SREBF1: variants seen among roughly 807,000 people sequenced by gnomAD.
SREBF1 encodes sterol regulatory element binding transcription factor 1, also known as sterol regulatory element-binding protein 1.
SREBF1 carries 45 observed loss-of-function variants against 100.1 expected under a neutral mutation model. The ratio of observed to expected loss-of-function variants is 0.45; its 90% CI spans 0.35 to 0.58. The LOEUF (loss-of-function observed/expected upper bound fraction) is 0.58. SREBF1 is among the 20% of genes least tolerant of loss of function. The probability of loss-of-function intolerance (pLI) is 0.00; values close to 1 mark genes in which losing one functional copy is unlikely to be tolerated. For synonymous variants in SREBF1, 657 were observed against 681.8 expected (o/e 0.96, Z 0.57); for missense variants, 1,324 against 1,539.4 (o/e 0.86, Z 2.34).
chr17:17,836,109 T>C (rs1349037053), intron 1 of SREBF1, among the ~76,000 whole-genome samples: 1 of 152,242 alleles, frequency 6.6e-6, no homozygotes, highest in Non-Finnish European at 1.5e-5. Flanking sequence ...ATTTTTGTGT[T>C]CCCTAAAAGA....
At chr17:17,812,950 T>C (rs1454056628) in intron 18 of SREBF1, 99 bp from the exon 19 acceptor site, 3 of 1,157,850 alleles carry the variant, frequency 2.6e-6, no homozygotes, top group Non-Finnish European at 3.5e-6. Flanking sequence ...CGCCTGTACC[T>C]GGCACACAGG....
intron 1 of SREBF1, among the ~76,000 whole-genome samples, chr17:17,831,427 T>A (rs1366288791): frequency 1.3e-5 from 2 of 152,004 alleles, no homozygotes; most frequent in Non-Finnish European, 2.9e-5. Flanking sequence ...CGGGGCAAGG[T>A]GACACCCAGA....
rs1567947306 is a variant in SREBF1, at chr17:17,811,961, A to AAAG, written c.*658_*660dup. ...ACAAACATCGGGAAGAGCTAAGTTA[A>AAAG]AAGTTGTGTACCTTGTGGCCGGAGG... On this transcript the variant is annotated 3_prime_UTR_variant, in exon 19 of 19. Coordinates refer to ENST00000261646, the MANE Select transcript of SREBF1 (RefSeq NM_004176.5). 4 of 448,252 alleles carry AAAG rather than the reference A, an allele frequency of 8.9e-6. No homozygotes were observed. The highest frequency in any genetic ancestry group is 7.3e-5 in the East Asian group (1 of 13,746). The allele number at this position is 448,252 out of a possible 1,614,324, so 27.8% of individuals were successfully genotyped here.
chr17:17,831,249 C>G (rs1028602874), intron 1 of SREBF1, among the ~76,000 whole-genome samples: 1 of 151,486 alleles, frequency 6.6e-6, no homozygotes. Flanking sequence ...CATGAGATAT[C>G]CTGGGGAGAG....
intron 1 of SREBF1, among the ~76,000 whole-genome samples, chr17:17,834,952 T>C (rs2035140862): frequency 6.6e-6 from 1 of 152,122 alleles, no homozygotes; most frequent in South Asian, 2.1e-4. Flanking sequence ...AGGAGGAGCT[T>C]GCAGTGAGCC....
chr17:17,823,683 C>T, intron 1 of SREBF1: 1 of 1,022,848 alleles, frequency 9.8e-7, no homozygotes, highest in South Asian at 1.9e-5. Flanking sequence ...GCCCCCAGCC[C>T]CGCCCCAGCC....
At chr17:17,818,154 T>C in intron 6 of SREBF1, 106 bp downstream of exon 6, 1 of 544,150 alleles carries the variant, frequency 1.8e-6, no homozygotes, top group Non-Finnish European at 2.7e-6. Context: ...GGGCAGAGGG[T>C]GGGCCAGAAC....
intron 1 of SREBF1, among the ~76,000 whole-genome samples, chr17:17,836,211 C>A (rs1414727790): frequency 1.3e-5 from 2 of 152,250 alleles, no homozygotes; most frequent in Non-Finnish European, 2.9e-5. Flanking sequence ...AGGCTGTGCC[C>A]GTCGCAGACC....
At position 17,817,355 on chromosome 17, in the gene SREBF1, A is replaced by T. The variant is rs1390508275; in HGVS notation, c.1507T>A (p.Leu503Met). Residue 503 changes from leucine (L) to methionine (M), a missense_variant, in exon 8 of 19, where the codon TTG (leucine) becomes ATG (methionine). Coordinates refer to ENST00000261646, the MANE Select transcript of SREBF1 (RefSeq NM_004176.5). This position sits in a 1 kb window ranked among gnomAD's most constrained non-coding sequence, Gnocchi z 6.6. ...CCCCGGGCCCCCAGCAAGGAGGCCA[A>T]GGGGTTGCAGGACAGGCAGAGGAAG... ...LVFLCLSCNPLASLLGARGLP... is the reference protein window; with the variant it reads ...LVFLCLSCNPMASLLGARGLP... 5 of 1,607,802 alleles carry T rather than the reference A, an allele frequency of 3.1e-6. No homozygotes were observed. The South Asian group carries it at 5.5e-5, about 18-fold the overall frequency.
chr17:17,823,645 C>T (rs539330632), intron 1 of SREBF1: 1 of 1,533,370 alleles, frequency 6.5e-7, no homozygotes, highest in South Asian at 1.1e-5. Flanking sequence ...CCGTTGAGCG[C>T]TGCGGCGCGC....
chr17:17,832,734 C>A (rs2034938582), intron 1 of SREBF1, among the ~76,000 whole-genome samples: 2 of 151,984 alleles, frequency 1.3e-5, no homozygotes, highest in African/African-American at 4.8e-5. Flanking sequence ...TCCTGGCTAA[C>A]ACGGTGAAAC....
At chr17:17,820,634 T>A in intron 1 of SREBF1, 113 bp from the exon 2 acceptor site, 1 of 1,185,736 alleles carries the variant, frequency 8.4e-7, no homozygotes, top group Non-Finnish European at 1.2e-6. Flanking sequence ...CACACAGCTG[T>A]ATGTGTGGGC....
At chr17:17,836,294 G>A (rs368835577) in intron 1 of SREBF1, among the ~76,000 whole-genome samples, 2 of 152,268 alleles carry the variant, frequency 1.3e-5, no homozygotes, top group African/African-American at 4.8e-5. Flanking sequence ...CTCCGACGCC[G>A]AGCTGAACTC....
rs1362129359 is a variant in SREBF1 at position 17,811,818 on chromosome 17, C to A, written c.*804G>T. ...GACAGAGCTGGGAGGTGAGAAGGGACAACTGACCCCATGGAGGCCCTAAGG... is the reference window on the plus strand; with the variant it reads ...GACAGAGCTGGGAGGTGAGAAGGGAAAACTGACCCCATGGAGGCCCTAAGG... On this transcript the variant is annotated 3_prime_UTR_variant, in exon 19 of 19. Coordinates refer to ENST00000261646, the MANE Select transcript of SREBF1 (RefSeq NM_004176.5). 2.2e-6 allele frequency: 1 copy of A among 450,718 alleles called. No homozygotes were observed. Among genetic ancestry groups the A allele is most frequent in the Middle Eastern group, 3.3e-4 (1 of 3,034 alleles). The allele number at this position is 450,718 out of a possible 1,614,324, so 27.9% of individuals were successfully genotyped here. A position where few individuals can be genotyped will look rare whatever the true frequency, so the allele number is the denominator to read the frequency against.
rs779939202 is a variant in SREBF1 at position 17,818,394 on chromosome 17, G to T, written c.1069-20C>A. ...ATTCAGCTGCACGGTGTGGGAGGGA[G>T]GGGGAGCGCACAGGTGGCCTGTCAG... On this transcript the variant is annotated intron_variant, in intron 5 of 18. Transcript: ENST00000261646. 1 of 1,598,386 alleles carries T rather than the reference G, an allele frequency of 6.3e-7. No individual in the cohort carries two copies. Among genetic ancestry groups the T allele is most frequent in the Non-Finnish European group, 8.6e-7 (1 of 1,167,226 alleles).
intron 5 of SREBF1, 104 bp downstream of exon 5, chr17:17,818,909 T>C: frequency 7.3e-7 from 1 of 1,369,776 alleles, no homozygotes; most frequent in Non-Finnish European, 1.0e-6. Flanking sequence ...TCCAATTCCC[T>C]GCTTGTCCAG....
intron 1 of SREBF1, chr17:17,823,664 C>T (rs770751644): frequency 1.6e-6 from 2 of 1,276,022 alleles, no homozygotes; most frequent in Admixed American, 2.1e-5. Flanking sequence ...GCCCGCCCCG[C>T]CCCGCCCCGC....
rs1171069070 is a variant in SREBF1 at position 17,817,025 on chromosome 17, C to T, written c.1718G>A (p.Arg573Gln). The T allele has an allele frequency of 4.3e-6, 7 of 1,612,984 alleles. No homozygotes were observed. The South Asian group carries it at 4.4e-5, about 10-fold the overall frequency. Residue 573 changes from arginine to glutamine, a missense_variant, in exon 9 of 19, where the codon CGG becomes CAG. Arg to Gln is a conservative substitution (Grantham distance 43). Transcript: ENST00000261646. This position sits in a 1 kb window ranked among gnomAD's most constrained non-coding sequence, Gnocchi z 6.6. The part of the protein sequence containing the change: ...LLFVYGEPVT[R>Q]PHSGPAVYFW... ...GTACACGGCGGGGCCTGAGTGGGGC[C>T]GTGTGACTGGCTCACCGTAGACAAA...
intron 1 of SREBF1, among the ~76,000 whole-genome samples, chr17:17,827,172 G>T (rs192799690): frequency 6.6e-6 from 1 of 152,238 alleles, no homozygotes; most frequent in Non-Finnish European, 1.5e-5. Context: ...AGGCAGTGAG[G>T]GGGTGGAGGC....
Sources: gnomAD v4.1 joint callset for allele counts (sites outside exome capture counted in the v4.1 genomes callset) on GRCh38, gnomAD v4.1.1 for gene constraint, Gnocchi (gnomAD v3.1) non-coding constraint, MANE v1.5 for transcripts, NCBI Gene and HGNC (gene_info 2026-07-23, HGNC 2026-07-21) for gene names.